TANC2: variants seen among roughly 807,000 people sequenced by gnomAD.
The protein encoded by TANC2 is tetratricopeptide repeat, ankyrin repeat and coiled-coil containing 2.
A neutral mutation model predicts 210.5 loss-of-function variants in TANC2; 26 were observed. The observed-to-expected ratio is 0.12, with a 90% CI of 0.09 to 0.17. The LOEUF is 0.17. Among genes scored for constraint, TANC2 ranks in the 10% least tolerant of loss-of-function variants. The pLI is 1.00. For missense variants in TANC2, 2,129 were observed against 2,608.9 expected, an observed-to-expected ratio of 0.82 and a Z score of 4.01; for synonymous variants, 931 against 967.1, an observed-to-expected ratio of 0.96 and a Z score of 0.69.
chr17:63,358,265 G>A (rs2046835276), intron 14 of TANC2, among the ~76,000 whole-genome samples: 1 of 152,070 alleles, frequency 6.6e-6, no homozygotes, highest in Non-Finnish European at 1.5e-5. Flanking sequence ...GCAAGGACTT[G>A]ACCTACCAGA....
chr17:62,985,124 C>T (rs2032503722), intron 1 of TANC2, among the ~76,000 whole-genome samples: 1 of 152,186 alleles, frequency 6.6e-6, no homozygotes, highest in Non-Finnish European at 1.5e-5. Context: ...TTTCTTTCAT[C>T]TCTAAGGATA....
At chr17:63,049,065 G>A (rs2035483683) in intron 2 of TANC2, among the ~76,000 whole-genome samples, 2 of 152,152 alleles carry the variant, frequency 1.3e-5, no homozygotes, top group Non-Finnish European at 2.9e-5. Context: ...AATCAAGCAA[G>A]TGAAATTCCC....
chr17:63,157,422 A>G (rs906152500), intron 5 of TANC2, among the ~76,000 whole-genome samples: 1 of 152,244 alleles, frequency 6.6e-6, no homozygotes, highest in African/African-American at 2.4e-5. Context: ...TTAGTTAGAT[A>G]TCCAAAGGGG....
rs749322124 is a variant in TANC2, at chr17:63,136,772, G to GAA, written c.323-14496_323-14495dup. Among the ~76,000 whole-genome samples, 3 of 152,172 alleles carry GAA rather than the reference G, an allele frequency of 2.0e-5. No homozygotes were observed. The South Asian group carries it at 6.2e-4, about 32-fold the overall frequency. On this transcript the variant is annotated intron_variant, in intron 4 of 27. Transcript: ENST00000689528. ...CAGCATGGTAATGTGATCCCTGAGA[G>GAA]AAAGGGCGTGGGTTGAGGGTGACAA... is the stretch of plus-strand genomic sequence containing the variant.
intron 8 of TANC2, among the ~76,000 whole-genome samples, chr17:63,263,734 C>T (rs2043438689): frequency 6.6e-6 from 1 of 152,174 alleles, no homozygotes; most frequent in Admixed American, 6.5e-5. Context: ...CCAAACAGCC[C>T]TTGGTCCCCT....
At chr17:63,178,146 A>T (rs779899031) in intron 5 of TANC2, among the ~76,000 whole-genome samples, 8 of 152,164 alleles carry the variant, frequency 5.3e-5, no homozygotes, top group Non-Finnish European at 1.0e-4. Flanking sequence ...CGTGGCTAAC[A>T]CGGAGAAACC....
At chr17:63,123,681 A>C (rs796649590) in intron 4 of TANC2, among the ~76,000 whole-genome samples, 20 of 140,650 alleles carry the variant, frequency 1.4e-4, no homozygotes, top group African/African-American at 5.4e-4. Context: ...AGTAGGTAAA[A>C]TCTTTTTTTT....
At chr17:63,282,910 A>G (rs1435772781) in intron 9 of TANC2, among the ~76,000 whole-genome samples, 3 of 151,896 alleles carry the variant, frequency 2.0e-5, no homozygotes, top group Non-Finnish European at 2.9e-5. Context: ...TTCCTCGTTT[A>G]TGACTTCTCT....
In TANC2 at chr17:63,418,732, TAAAG is replaced by T. The variant is rs1339761568; in HGVS notation, c.4268+329_4268+332del. ...CTAGCACAAAGAGACAACGGCGACT[TAAAG>T]AAATCACTTAAGCAGAGCACCCCAC... is the stretch of plus-strand genomic sequence containing the variant. On this transcript the variant is annotated intron_variant, in intron 27 of 27. Coordinates refer to ENST00000689528, the Ensembl canonical transcript of TANC2. The surrounding 1 kb of genome is among the most constrained non-coding windows in gnomAD (Gnocchi z 4.6). 1.3e-5 allele frequency among the ~76,000 whole-genome samples: 2 copies of T among 152,158 alleles called. No individual in the cohort carries two copies. Among genetic ancestry groups the T allele is most frequent in the South Asian group, 4.1e-4 (2 of 4,828 alleles).
In TANC2 at chr17:63,113,256, A is replaced by G. The variant is rs780618499; in HGVS notation, c.322+13899A>G. Among the ~76,000 whole-genome samples the G allele has an allele frequency of 4.6e-5, 7 of 152,196 alleles. No homozygotes were observed. In the East Asian group the frequency reaches 5.8e-4, roughly 13 times the overall value. On this transcript the variant is annotated intron_variant, in intron 4 of 27. Transcript: ENST00000689528. ...AGAAATTTTTATAATGCTAAACTATATATTTATTCTCATTATAGAAAATTA... is the reference window on the plus strand; with the variant it reads ...AGAAATTTTTATAATGCTAAACTATGTATTTATTCTCATTATAGAAAATTA...
chr17:63,199,357 T>C (rs2041453074), intron 6 of TANC2, among the ~76,000 whole-genome samples: 1 of 152,180 alleles, frequency 6.6e-6, no homozygotes, highest in African/African-American at 2.4e-5. Flanking sequence ...GTGTAGTGGC[T>C]CACACCTGTA....
chr17:63,080,455 T>A (rs1433114904), intron 3 of TANC2, among the ~76,000 whole-genome samples: 2 of 152,238 alleles, frequency 1.3e-5, no homozygotes, highest in Non-Finnish European at 2.9e-5. Context: ...AGATGTGTAC[T>A]GGTGTAATGA....
rs191814975 is a variant in TANC2 at position 63,183,335 on chromosome 17, A to G, written c.434-10656A>G. Among the ~76,000 whole-genome samples, 1,346 of 152,354 alleles carry G rather than the reference A, an allele frequency of 8.8e-3. 10 individuals carry two copies. The highest frequency in any genetic ancestry group is 0.019 in the South Asian group (93 of 4,828). On this transcript the variant is annotated intron_variant, in intron 5 of 27. Coordinates refer to ENST00000689528, the Ensembl canonical transcript of TANC2. ...AAGTTAACATTGCCAGCATGGCAGCATGAATCTTCCACAGAAATAATTTCT... is the reference window on the plus strand; with the variant it reads ...AAGTTAACATTGCCAGCATGGCAGCGTGAATCTTCCACAGAAATAATTTCT...
chr17:63,044,146 T>C (rs1422982147), intron 2 of TANC2, among the ~76,000 whole-genome samples: 4 of 152,130 alleles, frequency 2.6e-5, no homozygotes, highest in African/African-American at 7.2e-5. Flanking sequence ...AAATAAAACA[T>C]GGCTTGGTTT....
intron 6 of TANC2, among the ~76,000 whole-genome samples, chr17:63,196,763 A>T (rs1343465366): frequency 6.6e-6 from 1 of 152,184 alleles, no homozygotes; most frequent in Non-Finnish European, 1.5e-5. Flanking sequence ...ATAATAACTG[A>T]CATTTATTAA....
chr17:62,973,615 A>G (rs1197334659), intron 1 of TANC2, among the ~76,000 whole-genome samples: 1 of 152,242 alleles, frequency 6.6e-6, no homozygotes, highest in Non-Finnish European at 1.5e-5. Context: ...GACTGTAACT[A>G]AAACTAACCC....
intron 7 of TANC2, among the ~76,000 whole-genome samples, chr17:63,217,236 T>A (rs931328104): frequency 2.6e-5 from 4 of 151,888 alleles, no homozygotes. Flanking sequence ...TAGAAAACAG[T>A]GGAGAAAAAC....
chr17:63,310,915 CA>C (rs1158517990), intron 9 of TANC2, among the ~76,000 whole-genome samples: 4 of 152,134 alleles, frequency 2.6e-5, no homozygotes, highest in Non-Finnish European at 5.9e-5. Context: ...TCACTTCTAG[CA>C]TTTTGTTTCA....
intron 1 of TANC2, chr17:62,967,633 T>C (rs1035644965): frequency 2.0e-5 from 3 of 152,208 alleles, no homozygotes; most frequent in African/African-American, 7.2e-5. Flanking sequence ...AAGGGAAGTA[T>C]TTTTCGTATG....
Sources: gnomAD v4.1 joint callset for allele counts (sites outside exome capture counted in the v4.1 genomes callset) on GRCh38, gnomAD v4.1.1 for gene constraint, Gnocchi (gnomAD v3.1) non-coding constraint, MANE v1.5 for transcripts, NCBI Gene and HGNC (gene_info 2026-07-23, HGNC 2026-07-21) for gene names.